RAPGEF1: variants seen among roughly 807,000 people sequenced by gnomAD.
RAPGEF1 encodes the protein Rap guanine nucleotide exchange factor 1.
In RAPGEF1, 33 loss-of-function variants were observed where a neutral mutation model predicts 143.3. The observed-to-expected ratio is 0.23, with a 90% CI of 0.17 to 0.31. The LOEUF (loss-of-function observed/expected upper bound fraction) is 0.31. RAPGEF1 is among the 10% of genes least tolerant of loss of function. The pLI is 1.00. For missense variants in RAPGEF1, 1,199 were observed against 1,645.4 expected (o/e 0.73, Z 4.69); for synonymous variants, 629 against 676.5 (o/e 0.93, Z 1.09).
At position 131,585,430 on chromosome 9, in the gene RAPGEF1, C is replaced by T. The variant is rs149741365; in HGVS notation, c.3234-834G>A. Among the ~76,000 whole-genome samples the T allele has an allele frequency of 5.6e-3, 846 of 152,326 alleles. 13 individuals are homozygous for T. The highest frequency in any genetic ancestry group is 0.019 in the African/African-American group (775 of 41,572). On this transcript the variant is annotated intron_variant, in intron 22 of 26. Coordinates refer to ENST00000683357, the MANE Select transcript of RAPGEF1 (RefSeq NM_001377935.1). ...TCCTGCGCTCAAGTGACCCTCCTGC[C>T]TCGGCCTCCCAAAGTCCTGGGATTA...
chr9:131,613,935 G>C (rs1958452286), intron 12 of RAPGEF1, among the ~76,000 whole-genome samples: 1 of 152,204 alleles, frequency 6.6e-6, no homozygotes, highest in African/African-American at 2.4e-5. Context: ...ATGGAGGACA[G>C]TCCAGGAGTC....
Position 131,619,120 on chromosome 9 carries a change from G to C in RAPGEF1, c.1992C>G (p.Ala664=), listed in dbSNP as rs773947949. The C allele has an allele frequency of 4.5e-6, 6 of 1,345,370 alleles. No individual in the cohort carries two copies. Among genetic ancestry groups the C allele is most frequent in the African/African-American group, 1.5e-5 (1 of 67,304 alleles). 83.3% of individuals were successfully genotyped at this position (1,345,370 alleles called of 1,614,324 possible). Residue 664 remains alanine, a synonymous_variant, in exon 12 of 27, where the codon GCC becomes GCG. Coordinates refer to ENST00000683357, the MANE Select transcript of RAPGEF1 (RefSeq NM_001377935.1). ...KVAFTPEDGS[A]AQGLSVSVSN... ...AGACGGACACACTGAGGCCCTGAGC[G>C]GCACTGCCGTCCTCGGGGGTGAAGG...
rs1951519414 is a variant in RAPGEF1 at position 131,579,436 on chromosome 9, T to G, written c.*61A>C. 6.9e-6 allele frequency: 11 copies of G among 1,583,364 alleles called. No homozygotes were observed. In the South Asian group the frequency reaches 1.3e-4, roughly 18 times the overall value. On this transcript the variant is annotated 3_prime_UTR_variant, in exon 27 of 27. Coordinates refer to ENST00000683357, the MANE Select transcript of RAPGEF1 (RefSeq NM_001377935.1). ...TGCGCCTAACAGGTCCAAGGTCCTC[T>G]CCGGTCTGGGAGCTGCCCTCTGCGC...
Position 131,641,870 on chromosome 9 carries a change from C to T in RAPGEF1, c.494+1369G>A, listed in dbSNP as rs1303417903. On this transcript the variant is annotated intron_variant, in intron 4 of 26. Coordinates refer to ENST00000683357, the MANE Select transcript of RAPGEF1 (RefSeq NM_001377935.1). The surrounding 1 kb of genome is among the most constrained non-coding windows in gnomAD (Gnocchi z 4.6). ...GTCAGCTGAAACTCCAGGGAGGAAGCCCCAGGGCAGAGAGTTTCTTGTAAA... is the reference window on the plus strand; with the variant it reads ...GTCAGCTGAAACTCCAGGGAGGAAGTCCCAGGGCAGAGAGTTTCTTGTAAA... 1.3e-5 allele frequency among the ~76,000 whole-genome samples: 2 copies of T among 152,220 alleles called. No individual in the cohort carries two copies. Among genetic ancestry groups the T allele is most frequent in the South Asian group, 2.1e-4 (1 of 4,828 alleles).
At chr9:131,658,240 C>T (rs942325755) in intron 1 of RAPGEF1, among the ~76,000 whole-genome samples, 4 of 152,232 alleles carry the variant, frequency 2.6e-5, no homozygotes, top group African/African-American at 9.6e-5. Flanking sequence ...GTCCCACTAG[C>T]AAGGTTGGGA....
chr9:131,684,311 T>C (rs1297493568), intron 1 of RAPGEF1, among the ~76,000 whole-genome samples: 1 of 152,256 alleles, frequency 6.6e-6, no homozygotes, highest in African/African-American at 2.4e-5. Context: ...GAGAGTCTTC[T>C]GCCTGTGTTA....
chr9:131,630,131 G>A lies in RAPGEF1; in HGVS notation c.740+105C>T. 4.0e-6 allele frequency: 4 copies of A among 998,474 alleles called. No individual in the cohort carries two copies. In the Admixed American group the frequency reaches 8.1e-5, roughly 20 times the overall value. The allele number at this position is 998,474 out of a possible 1,614,324, so 61.9% of individuals were successfully genotyped here. A position where few individuals can be genotyped will look rare whatever the true frequency, so the allele number is the denominator to read the frequency against. On this transcript the variant is annotated intron_variant, in intron 6 of 26. Coordinates refer to ENST00000683357, the MANE Select transcript of RAPGEF1 (RefSeq NM_001377935.1). ...ACTGAAAAAGGAATATGGGCCTCCA[G>A]CAGCCCACCCTCATGCTGCCCACCC...
intron 16 of RAPGEF1, 51 bp from the exon 17 acceptor site, chr9:131,596,424 G>C: frequency 2.5e-6 from 4 of 1,573,890 alleles, no homozygotes; most frequent in African/African-American, 1.3e-5. Flanking sequence ...GCCCTTCAGA[G>C]AATCAGTTTA....
At chr9:131,664,365 A>G (rs571019841) in intron 1 of RAPGEF1, among the ~76,000 whole-genome samples, 1 of 152,298 alleles carries the variant, frequency 6.6e-6, no homozygotes, top group East Asian at 1.9e-4. Flanking sequence ...TCACTGTTCT[A>G]TGTCCTTTCA....
intron 25 of RAPGEF1, among the ~76,000 whole-genome samples, chr9:131,580,659 AG>A (rs1485298964): frequency 6.6e-6 from 1 of 152,178 alleles, no homozygotes; most frequent in Non-Finnish European, 1.5e-5. Flanking sequence ...TCAACCCATA[AG>A]GGCGAAGCTG....
At chr9:131,736,781 T>C (rs1203277369) in intron 1 of RAPGEF1, among the ~76,000 whole-genome samples, 1 of 152,184 alleles carries the variant, frequency 6.6e-6, no homozygotes, top group Non-Finnish European at 1.5e-5. Flanking sequence ...GAGGAGATTA[T>C]GAACATATTT....
intron 4 of RAPGEF1, 21 bp from the exon 5 acceptor site, chr9:131,638,812 G>A (rs1162127915): frequency 6.2e-7 from 1 of 1,607,100 alleles, no homozygotes; most frequent in Admixed American, 1.7e-5. Flanking sequence ...GAGAAGAATG[G>A]AAAAAAAGAA....
chr9:131,630,447 A>G (rs1964537235), intron 5 of RAPGEF1, 123 bp from the exon 6 acceptor site: 1 of 894,036 alleles, frequency 1.1e-6, no homozygotes, highest in African/African-American at 1.7e-5. Flanking sequence ...CAGATTCCCC[A>G]CGCACCATAA....
At chr9:131,663,088 C>T (rs558827145) in intron 1 of RAPGEF1, among the ~76,000 whole-genome samples, 9 of 152,162 alleles carry the variant, frequency 5.9e-5, no homozygotes, top group Middle Eastern at 3.4e-3. Context: ...CTGCCATGCC[C>T]GCTTTCCAAA....
At chr9:131,580,454 A>T in intron 25 of RAPGEF1, 63 bp from the exon 26 acceptor site, 1 of 1,566,196 alleles carries the variant, frequency 6.4e-7, no homozygotes, top group South Asian at 1.1e-5. Context: ...AGGGCTAGAG[A>T]CATGTGTCAG....
chr9:131,721,561 G>A (rs1046588485), intron 1 of RAPGEF1, among the ~76,000 whole-genome samples: 2 of 152,162 alleles, frequency 1.3e-5, no homozygotes, highest in Non-Finnish European at 2.9e-5. Flanking sequence ...GGCATCTATT[G>A]CCACCAACTG....
At chr9:131,615,731 G>T (rs544715317) in intron 12 of RAPGEF1, among the ~76,000 whole-genome samples, 1 of 152,228 alleles carries the variant, frequency 6.6e-6, no homozygotes, top group African/African-American at 2.4e-5. Context: ...CCTCTGGCAG[G>T]TCCTTCTGTT....
At chr9:131,713,778 GA>G (rs1300457502) in intron 1 of RAPGEF1, among the ~76,000 whole-genome samples, 2 of 152,036 alleles carry the variant, frequency 1.3e-5, no homozygotes, top group Non-Finnish European at 2.9e-5. Flanking sequence ...CACAGAGCGA[GA>G]ACCCATCTCT....
intron 22 of RAPGEF1, among the ~76,000 whole-genome samples, chr9:131,586,131 G>A (rs1345189070): frequency 2.0e-5 from 3 of 152,060 alleles, no homozygotes; most frequent in Admixed American, 6.6e-5. Context: ...GGGAGCCAGA[G>A]CTTGCAGTGA....
Sources: allele counts gnomAD v4.1 joint callset (sites outside exome capture counted in the v4.1 genomes callset), GRCh38; gene constraint gnomAD v4.1.1; non-coding constraint Gnocchi (gnomAD v3.1); transcripts MANE v1.5; gene names NCBI Gene and HGNC (gene_info 2026-07-23, HGNC 2026-07-21).